Variants in CISD2 observed in about 807,000 individuals in gnomAD.
CISD2 encodes the protein CDGSH iron sulfur domain 2, also known as CDGSH iron-sulfur domain-containing protein 2.
In CISD2, 1 loss-of-function variant was observed where a neutral mutation model predicts 12.9. The ratio of observed to expected loss-of-function variants is 0.08; its 90% confidence interval spans 0.03 to 0.37. The LOEUF (loss-of-function observed/expected upper bound fraction) is 0.37, where lower values mean the gene tolerates loss of function less well. Ranked by LOEUF, CISD2 falls within the 10% of genes least tolerant of loss-of-function variation. The probability of loss-of-function intolerance (pLI) is 0.99; values close to 1 mark genes in which losing one functional copy is unlikely to be tolerated. For missense variants in CISD2, 97 were observed against 163.1 expected, an observed-to-expected ratio of 0.59 and a Z score of 2.21; for synonymous variants, 50 against 60.6, an observed-to-expected ratio of 0.83 and a Z score of 0.81.
At chr4:102,877,863 A>G (rs1733627010) in intron 1 of CISD2, among the ~76,000 whole-genome samples, 1 of 152,168 alleles carries the variant, frequency 6.6e-6, no homozygotes, top group Admixed American at 6.5e-5. Flanking sequence ...CTCAAGCTGT[A>G]TGTTGGCCCC....
chr4:102,879,207 G>A (rs1733657718), intron 1 of CISD2, among the ~76,000 whole-genome samples: 1 of 152,036 alleles, frequency 6.6e-6, no homozygotes. Flanking sequence ...AGATTTGGAT[G>A]GGGACACAGA....
At chr4:102,880,377 A>G (rs975477947) in intron 1 of CISD2, among the ~76,000 whole-genome samples, 2 of 152,194 alleles carry the variant, frequency 1.3e-5, no homozygotes, top group Admixed American at 6.5e-5. Flanking sequence ...GAAAAATGCA[A>G]TATAGCCTTA....
intron 1 of CISD2, among the ~76,000 whole-genome samples, chr4:102,876,406 T>G (rs144966761): frequency 1.3e-5 from 2 of 152,330 alleles, no homozygotes; most frequent in East Asian, 3.9e-4. Context: ...TTTAGCACAG[T>G]ATCTCTACAT....
At chr4:102,879,443 T>G (rs1733665188) in intron 1 of CISD2, among the ~76,000 whole-genome samples, 1 of 152,022 alleles carries the variant, frequency 6.6e-6, no homozygotes, top group African/African-American at 2.4e-5. Flanking sequence ...AGGTGGTGTT[T>G]ATAGGTCCAT....
chr4:102,876,375 A>G (rs1463529572), intron 1 of CISD2, among the ~76,000 whole-genome samples: 1 of 152,212 alleles, frequency 6.6e-6, no homozygotes, highest in African/African-American at 2.4e-5. Flanking sequence ...AGATATAAAT[A>G]AGACAGCTAC....
rs190765542 is a variant in CISD2, at chr4:102,890,251, A to C, written c.*2821A>C. On this transcript the variant is annotated 3_prime_UTR_variant, in exon 3 of 3. Transcript: ENST00000273986. ...TATTTTGTAACCTAATTTGTTAATA[A>C]GTAAGTTACAGGAAGCCAATTAAGC... The C allele has an allele frequency of 1.3e-5, 2 of 152,240 alleles. No homozygotes were observed. Among genetic ancestry groups the C allele is most frequent in the Non-Finnish European group, 2.9e-5 (2 of 68,048 alleles). The allele number at this position is 152,240 out of a possible 1,614,324, so 9.4% of individuals were successfully genotyped here. A position where few individuals can be genotyped will look rare whatever the true frequency, so the allele number is the denominator to read the frequency against.
chr4:102,889,454 C>T lies in CISD2; in HGVS notation c.*2024C>T, dbSNP rs780757383. On this transcript the variant is annotated 3_prime_UTR_variant, in exon 3 of 3. Coordinates refer to ENST00000273986, the MANE Select transcript of CISD2 (RefSeq NM_001008388.5). ...TGCATCTCACAGCAACTTGTTTTCACACATGTTCTAGTGGTTCCCATAACT... is the reference window on the plus strand; with the variant it reads ...TGCATCTCACAGCAACTTGTTTTCATACATGTTCTAGTGGTTCCCATAACT... The T allele has an allele frequency of 2.0e-5, 3 of 152,176 alleles. No homozygotes were observed. Among genetic ancestry groups the T allele is most frequent in the Non-Finnish European group, 4.4e-5 (3 of 68,038 alleles). The allele number at this position is 152,176 out of a possible 1,614,324, so 9.4% of individuals were successfully genotyped here.
intron 1 of CISD2, among the ~76,000 whole-genome samples, chr4:102,870,164 C>CT (rs1284613968): frequency 1.3e-5 from 2 of 152,214 alleles, no homozygotes; most frequent in African/African-American, 4.8e-5. Flanking sequence ...TTCTAAAGAT[C>CT]TGTAGTACCT....
chr4:102,876,394 C>A (rs188084804), intron 1 of CISD2, among the ~76,000 whole-genome samples: 4 of 152,300 alleles, frequency 2.6e-5, no homozygotes, highest in African/African-American at 9.6e-5. Context: ...ACTGTATTTG[C>A]ATTTAGCACA....
intron 1 of CISD2, among the ~76,000 whole-genome samples, chr4:102,870,177 C>T (rs1429530513): frequency 6.6e-6 from 1 of 152,082 alleles, no homozygotes; most frequent in East Asian, 1.9e-4. Context: ...TAGTACCTGA[C>T]CTAAAATACA....
At chr4:102,887,247 G>A in intron 2 of CISD2, 94 bp from the exon 3 acceptor site, 1 of 753,474 alleles carries the variant, frequency 1.3e-6, no homozygotes, top group Non-Finnish European at 2.3e-6. Flanking sequence ...TTTTTAGCAA[G>A]TGATATGCTT....
At position 102,888,610 on chromosome 4, in the gene CISD2, T is replaced by G. The variant is rs1270327527; in HGVS notation, c.*1180T>G. The G allele has an allele frequency of 1.3e-5, 2 of 152,284 alleles. No individual in the cohort carries two copies. The highest frequency in any genetic ancestry group is 3.8e-4 in the East Asian group (2 of 5,204). 9.4% of individuals were successfully genotyped at this position (152,284 alleles called of 1,614,324 possible). ...TTAATCCTACTATTATGAATCTTTTTAGTTTCATCTTACATTACTACTCTC... is the reference window on the plus strand; with the variant it reads ...TTAATCCTACTATTATGAATCTTTTGAGTTTCATCTTACATTACTACTCTC... On this transcript the variant is annotated 3_prime_UTR_variant, in exon 3 of 3. Transcript: ENST00000273986.
At chr4:102,869,420 C>T in intron 1 of CISD2, 2 of 710,434 alleles carry the variant, frequency 2.8e-6, no homozygotes, top group Non-Finnish European at 5.1e-6. Flanking sequence ...TCTCCGGTGT[C>T]ATTCCGTGGC....
rs926454612 is a variant in CISD2 at position 102,888,114 on chromosome 4, G to A, written c.*684G>A. On this transcript the variant is annotated 3_prime_UTR_variant, in exon 3 of 3. Coordinates refer to ENST00000273986, the MANE Select transcript of CISD2 (RefSeq NM_001008388.5). ...AAACTGACTCAGTGACAGCTGGGGT[G>A]GAATGGCAAGAACACTTACAACCAA... 1 of 151,776 alleles carries A rather than the reference G, an allele frequency of 6.6e-6. No homozygotes were observed. Among genetic ancestry groups the A allele is most frequent in the African/African-American group, 2.4e-5 (1 of 41,280 alleles). The allele number at this position is 151,776 out of a possible 1,614,324, so 9.4% of individuals were successfully genotyped here.
chr4:102,879,389 T>G (rs1262230661), intron 1 of CISD2, among the ~76,000 whole-genome samples: 15 of 152,194 alleles, frequency 9.9e-5, no homozygotes, highest in Admixed American at 9.8e-4. Flanking sequence ...GGGAAAGTAC[T>G]ACAAGAGCAA....
chr4:102,885,167 G>C lies in CISD2; in HGVS notation c.104-49G>C. 2.1e-6 allele frequency: 3 copies of C among 1,416,712 alleles called. No individual in the cohort carries two copies. The South Asian group carries it at 3.5e-5, about 16-fold the overall frequency. The allele number at this position is 1,416,712 out of a possible 1,614,324, so 87.8% of individuals were successfully genotyped here. A position where few individuals can be genotyped will look rare whatever the true frequency, so the allele number is the denominator to read the frequency against. The stretch of plus-strand genomic sequence containing the variant: ...AGGATGAAACTAGACATGCTATTTT[G>C]AATTCTTTTCCAAGAGCACTGCAGA... On this transcript the variant is annotated intron_variant, in intron 1 of 2. Transcript: ENST00000273986.
chr4:102,888,863 C>T lies in CISD2; in HGVS notation c.*1433C>T, dbSNP rs1223457309. On this transcript the variant is annotated 3_prime_UTR_variant, in exon 3 of 3. Transcript: ENST00000273986. ...CGTTTCTGAGACCTTGCTAGGCACT[C>T]TGGAAACTGCTTAGTTGAGAAAAGA... is the stretch of plus-strand genomic sequence containing the variant. The T allele has an allele frequency of 2.0e-5, 3 of 152,246 alleles. No individual in the cohort carries two copies. The highest frequency in any genetic ancestry group is 7.2e-5 in the African/African-American group (3 of 41,466). 9.4% of individuals were successfully genotyped at this position (152,246 alleles called of 1,614,324 possible). A position where few individuals can be genotyped will look rare whatever the true frequency, so the allele number is the denominator to read the frequency against.
chr4:102,872,218 G>A (rs1418854089), intron 1 of CISD2, among the ~76,000 whole-genome samples: 1 of 152,098 alleles, frequency 6.6e-6, no homozygotes, highest in Non-Finnish European at 1.5e-5. Flanking sequence ...ACAGGCATGT[G>A]CCACCATGCC....
Position 102,887,647 on chromosome 4 carries a change from A to G in CISD2, c.*217A>G, listed in dbSNP as rs1014436389. On this transcript the variant is annotated 3_prime_UTR_variant, in exon 3 of 3. Coordinates refer to ENST00000273986, the MANE Select transcript of CISD2 (RefSeq NM_001008388.5). Reference sequence around the variant, plus strand: ...AGAATTAATGTATCTTCCAACAATAAAATCACTTCTGATTTTAATCTAGGA... The same window carrying G: ...AGAATTAATGTATCTTCCAACAATAGAATCACTTCTGATTTTAATCTAGGA... 5.3e-6 allele frequency: 2 copies of G among 380,358 alleles called. No homozygotes were observed. Among genetic ancestry groups the G allele is most frequent in the African/African-American group, 4.1e-5 (2 of 48,432 alleles). 23.6% of individuals were successfully genotyped at this position (380,358 alleles called of 1,614,324 possible).
Sources: allele counts gnomAD v4.1 joint callset (sites outside exome capture counted in the v4.1 genomes callset), GRCh38; gene constraint gnomAD v4.1.1; transcripts MANE v1.5; gene names NCBI Gene and HGNC (gene_info 2026-07-23, HGNC 2026-07-21).